SMC2: variants seen among roughly 807,000 people sequenced by gnomAD.
SMC2 encodes the protein structural maintenance of chromosomes protein 2.
In SMC2, 41 loss-of-function variants were observed where a neutral mutation model predicts 142.6. The ratio of observed to expected loss-of-function variants is 0.29; its 90% CI spans 0.22 to 0.37. SMC2 has a LOEUF of 0.37. Ranked by LOEUF, SMC2 falls within the 10% of genes least tolerant of loss-of-function variation. SMC2 has a pLI of 1.00. For missense variants in SMC2, 1,265 were observed against 1,373.7 expected (o/e 0.92, Z 1.25); for synonymous variants, 463 against 457.5 (o/e 1.01, Z -0.15).
chr9:104,096,309 T>C lies in SMC2; in HGVS notation c.318+12T>C. On this transcript the variant is annotated intron_variant, in intron 3 of 24. Transcript: ENST00000374793. ...CAGTAACAAGGCAGGTGAGTGGCAATTAAACCTTTGGGTATCTTAAGACCT... is the reference window on the plus strand; with the variant it reads ...CAGTAACAAGGCAGGTGAGTGGCAACTAAACCTTTGGGTATCTTAAGACCT... 2 of 1,613,194 alleles carry C rather than the reference T, an allele frequency of 1.2e-6. No homozygotes were observed. Among genetic ancestry groups the C allele is most frequent in the Non-Finnish European group, 1.7e-6 (2 of 1,179,400 alleles).
At chr9:104,136,800 C>T (rs1227243041) in intron 23 of SMC2, among the ~76,000 whole-genome samples, 1 of 138,578 alleles carries the variant, frequency 7.2e-6, no homozygotes, top group Admixed American at 7.2e-5. Flanking sequence ...TACTTGTGCA[C>T]ACATTTTTTC....
chr9:104,106,911 G>T (rs1564079847), intron 9 of SMC2, among the ~76,000 whole-genome samples: 1 of 152,138 alleles, frequency 6.6e-6, no homozygotes, highest in Non-Finnish European at 1.5e-5. Context: ...GCATGATGGT[G>T]GCTACAGTCA....
At chr9:104,118,817 A>G (rs1833409778) in intron 15 of SMC2, among the ~76,000 whole-genome samples, 1 of 152,186 alleles carries the variant, frequency 6.6e-6, no homozygotes, top group Admixed American at 6.6e-5. Flanking sequence ...GCCCATAATC[A>G]CAAATGGTTA....
At chr9:104,097,119 GTT>G (rs71501412) in intron 3 of SMC2, among the ~76,000 whole-genome samples, 1,086 of 104,044 alleles carry the variant, frequency 0.01, 21 homozygotes, top group African/African-American at 0.037. Context: ...GCTTGTCAAG[GTT>G]TTTTTTTTTT....
intron 16 of SMC2, among the ~76,000 whole-genome samples, chr9:104,120,578 C>T (rs530007796): frequency 9.2e-5 from 14 of 152,260 alleles, no homozygotes; most frequent in Admixed American, 8.5e-4. Flanking sequence ...AGCATTGTGG[C>T]TGTCCTACAT....
chr9:104,114,006 C>G lies in SMC2; in HGVS notation c.1457C>G (p.Ser486Cys). The change falls in exon 12 of 25, where the codon TCT (serine) becomes TGT (cysteine). Residue 486 changes from serine to cysteine, a missense_variant. Ser to Cys is a moderately radical substitution (Grantham distance 112, BLOSUM62 -1). Around this residue, in one of 4 missense-constraint regions of SMC2, gnomAD observed 898 missense variants for 904.2 expected, o/e 0.99. Transcript: ENST00000374793. ...ESLLEKRRQL[S>C]RDIGRLKETY... Reference sequence around the variant, plus strand: ...CTTTTGGAAAAGCGCAGGCAGCTGTCTCGTGATATTGGTAGATTGAAAGAA... The same window carrying G: ...CTTTTGGAAAAGCGCAGGCAGCTGTGTCGTGATATTGGTAGATTGAAAGAA... The G allele has an allele frequency of 1.9e-6, 3 of 1,598,630 alleles. No individual in the cohort carries two copies. The highest frequency in any genetic ancestry group is 2.6e-6 in the Non-Finnish European group (3 of 1,175,692).
At chr9:104,094,691 GC>G in intron 1 of SMC2, 1 of 358,474 alleles carries the variant, frequency 2.8e-6, no homozygotes, top group Admixed American at 4.6e-5. Context: ...CGAGGTAAAA[GC>G]CTGAGTAAAA....
At chr9:104,127,151 G>C (rs1834398826) in intron 19 of SMC2, 135 bp from the exon 20 acceptor site, 1 of 630,744 alleles carries the variant, frequency 1.6e-6, no homozygotes. Flanking sequence ...ATAAAATATA[G>C]AGGGTTAGGT....
chr9:104,113,969 A>G lies in SMC2; in HGVS notation c.1420A>G (p.Lys474Glu). 1.9e-6 allele frequency: 3 copies of G among 1,559,580 alleles called. No homozygotes were observed. The highest frequency in any genetic ancestry group is 2.6e-6 in the Non-Finnish European group (3 of 1,156,142). The change falls in exon 12 of 25, where the codon AAA becomes GAA. Residue 474 changes from lysine (K) to glutamate (E), a missense_variant. Coordinates refer to ENST00000374793, the MANE Select transcript of SMC2 (RefSeq NM_006444.3). Reference sequence around the variant, plus strand: ...TATTATGATTTATCCTTCAGAAAATAAAGAGGAAAGCCTTTTGGAAAAGCG... The same window carrying G: ...TATTATGATTTATCCTTCAGAAAATGAAGAGGAAAGCCTTTTGGAAAAGCG... Reference protein sequence around the residue: ...EMKKLNYEENKEESLLEKRRQ... With the variant: ...EMKKLNYEENEEESLLEKRRQ...
chr9:104,129,520 T>G, intron 20 of SMC2, 125 bp from the exon 21 acceptor site: 1 of 765,172 alleles, frequency 1.3e-6, no homozygotes, highest in South Asian at 1.8e-5. Context: ...AAAAAAAAAT[T>G]AGTCATTGAA....
At chr9:104,120,296 T>C (rs563150582) in intron 16 of SMC2, 134 bp downstream of exon 16, 3 of 808,846 alleles carry the variant, frequency 3.7e-6, no homozygotes, top group African/African-American at 3.6e-5. Context: ...TTTGATTAAA[T>C]TGTGAGTTGA....
intron 16 of SMC2, among the ~76,000 whole-genome samples, chr9:104,121,856 C>T (rs1254803972): frequency 6.6e-6 from 1 of 152,136 alleles, no homozygotes; most frequent in African/African-American, 2.4e-5. Flanking sequence ...TCTCGGCTCA[C>T]TGCAACCTCT....
rs36094312 is a variant in SMC2 at position 104,121,075 on chromosome 9, AAC to A, written c.2132+918_2132+919del. Among the ~76,000 whole-genome samples the A allele has an allele frequency of 3.5e-3, 529 of 152,046 alleles. 3 individuals carry two copies. The highest frequency in any genetic ancestry group is 0.012 in the African/African-American group (482 of 41,314). On this transcript the variant is annotated intron_variant, in intron 16 of 24. Transcript: ENST00000374793. The stretch of plus-strand genomic sequence containing the variant: ...TCACTGAGGACATGATTGTTGAGTA[AAC>A]ACACGAAAGAGTGAGTGAACAAGAG...
Position 104,111,667 on chromosome 9 carries a change from T to C in SMC2, c.1107T>C (p.Asp369=), listed in dbSNP as rs34711584. The C allele has an allele frequency of 7.4e-4, 1,200 of 1,614,040 alleles. 8 individuals are homozygous for C. The African/African-American group carries it at 0.011, about 15-fold the overall frequency. ...CCCTTCAAGAAGCAAGTAATAAAGATGCTGAAGCTCTGGCAGCTGCACAGC... is the reference window on the plus strand; with the variant it reads ...CCCTTCAAGAAGCAAGTAATAAAGACGCTGAAGCTCTGGCAGCTGCACAGC... ...LHALQEASNK[D]AEALAAAQQH... The change falls in exon 10 of 25, where the codon GAT becomes GAC. Residue 369 remains aspartate, a synonymous_variant. Coordinates refer to ENST00000374793, the MANE Select transcript of SMC2 (RefSeq NM_006444.3).
At position 104,139,080 on chromosome 9, in the gene SMC2, GAGTAAACTTCA is replaced by G. The variant is rs1418130052; in HGVS notation, c.3418-54_3418-44del. 8.0e-6 allele frequency: 9 copies of G among 1,128,698 alleles called. No individual in the cohort carries two copies. In the Admixed American group the frequency reaches 8.9e-5, roughly 11 times the overall value. 69.9% of individuals were successfully genotyped at this position (1,128,698 alleles called of 1,614,324 possible). A position where few individuals can be genotyped will look rare whatever the true frequency, so the allele number is the denominator to read the frequency against. ...AACCATTCTTATCACCAGTATAAAG[GAGTAAACTTCA>G]AGTATATCACAAAAAGTTTTTTTAT... On this transcript the variant is annotated intron_variant, in intron 24 of 24. Transcript: ENST00000374793.
intron 9 of SMC2, among the ~76,000 whole-genome samples, chr9:104,110,718 A>C (rs762013165): frequency 6.6e-6 from 1 of 152,166 alleles, no homozygotes; most frequent in African/African-American, 2.4e-5. Context: ...ACATTCAAAC[A>C]TGTTCCTCAG....
At chr9:104,115,227 T>C (rs1832950785) in intron 13 of SMC2, among the ~76,000 whole-genome samples, 1 of 151,594 alleles carries the variant, frequency 6.6e-6, no homozygotes, top group Admixed American at 6.6e-5. Flanking sequence ...TACGTAGTCA[T>C]TGTCAAATTT....
chr9:104,097,660 A>G (rs1481357658), intron 3 of SMC2, among the ~76,000 whole-genome samples: 1 of 152,170 alleles, frequency 6.6e-6, no homozygotes, highest in African/African-American at 2.4e-5. Flanking sequence ...TTCAGGCCAT[A>G]AACTTGTATC....
Position 104,100,112 on chromosome 9 carries a change from AAGC to A in SMC2, c.504_506del (p.Ala169del). On this transcript the variant is annotated inframe_deletion, in exon 6 of 25. Coordinates refer to ENST00000374793, the MANE Select transcript of SMC2 (RefSeq NM_006444.3). ...TTCCAGATTTTATCCATGATAGAAG[AAGC>A]AGCTGGAACCAGGATGTATGAATAC... 1 of 1,571,564 alleles carries A rather than the reference AAGC, an allele frequency of 6.4e-7. No individual in the cohort carries two copies.
Sources: gnomAD v4.1 joint callset for allele counts (sites outside exome capture counted in the v4.1 genomes callset) on GRCh38, gnomAD v4.1.1 for gene constraint, gnomAD v4.1.1 regional missense constraint, MANE v1.5 for transcripts, NCBI Gene and HGNC (gene_info 2026-07-23, HGNC 2026-07-21) for gene names.